The following TAFA2 variants were observed in gnomAD, a reference collection of about 807,000 sequenced individuals.
The protein encoded by TAFA2 is TAFA chemokine like family member 2.
TAFA2 carries 7 observed loss-of-function variants against 18.8 expected under a neutral mutation model. The observed-to-expected ratio is 0.37, with a 90% CI of 0.21 to 0.70. TAFA2 has a LOEUF of 0.70. Among genes scored for constraint, TAFA2 ranks in the 30% least tolerant of loss-of-function variants. TAFA2 has a pLI of 0.53. For missense variants in TAFA2, 122 were observed against 158.1 expected (o/e 0.77, Z 1.23); for synonymous variants, 60 against 54.2 (o/e 1.11, Z -0.47).
intron 1 of TAFA2, among the ~76,000 whole-genome samples, chr12:62,153,089 T>A (rs1035739613): frequency 6.6e-6 from 1 of 152,154 alleles, no homozygotes. Context: ...ATTCCCACAA[T>A]TGAAATTGGA....
chr12:62,085,062 C>T (rs986852491), intron 1 of TAFA2, among the ~76,000 whole-genome samples: 3 of 152,066 alleles, frequency 2.0e-5, no homozygotes, highest in Admixed American at 6.6e-5. Context: ...CTCGAGCCTC[C>T]CCAGAAAAGA....
intron 1 of TAFA2, among the ~76,000 whole-genome samples, chr12:62,149,533 T>C (rs954926479): frequency 6.7e-6 from 1 of 149,000 alleles, no homozygotes; most frequent in Non-Finnish European, 1.5e-5. Flanking sequence ...AAACATTTGC[T>C]ATATGAATTT....
chr12:61,783,283 G>A (rs960778639), intron 2 of TAFA2, among the ~76,000 whole-genome samples: 6 of 151,668 alleles, frequency 4.0e-5, no homozygotes, highest in Admixed American at 1.3e-4. Flanking sequence ...ACACAGAATT[G>A]TTGAATAATG....
At chr12:61,902,988 T>C (rs1592472936) in intron 1 of TAFA2, among the ~76,000 whole-genome samples, 2 of 152,278 alleles carry the variant, frequency 1.3e-5, no homozygotes, top group African/African-American at 2.4e-5. Flanking sequence ...TTTAAATCCA[T>C]CCGCTTTTTT....
Position 62,102,252 on chromosome 12 carries a change from T to A in TAFA2, c.-2+89007A>T, listed in dbSNP as rs1299068363. On this transcript the variant is annotated intron_variant, in intron 1 of 4. Coordinates refer to ENST00000416284, the MANE Select transcript of TAFA2 (RefSeq NM_178539.5). ...TTGGATTGAAGTGGAATGGTCTGGG[T>A]TCAGGTAGAAACTATTGCTATTTTT... is the stretch of plus-strand genomic sequence containing the variant. Among the ~76,000 whole-genome samples the A allele has an allele frequency of 2.0e-5, 3 of 152,332 alleles. No individual in the cohort carries two copies. The South Asian group carries it at 6.2e-4, about 32-fold the overall frequency.
chr12:62,144,536 T>C (rs565575981), intron 1 of TAFA2, among the ~76,000 whole-genome samples: 1 of 152,308 alleles, frequency 6.6e-6, no homozygotes, highest in South Asian at 2.1e-4. Flanking sequence ...GCTGACACCA[T>C]TGTGGTAGTA....
chr12:62,136,076 T>C (rs1870885062), intron 1 of TAFA2: 1 of 152,116 alleles, frequency 6.6e-6, no homozygotes, highest in Admixed American at 6.6e-5. Context: ...AACTTCTTCA[T>C]CAATTCATTG....
intron 2 of TAFA2, 24 bp downstream of exon 2, chr12:61,867,296 G>GAAA (rs34255534): frequency 9.2e-5 from 118 of 1,285,816 alleles, no homozygotes; most frequent in Middle Eastern, 1.9e-4. Flanking sequence ...ACATTTAGTT[G>GAAA]AAAAAAAAAA....
At chr12:62,153,048 T>G (rs927347396) in intron 1 of TAFA2, among the ~76,000 whole-genome samples, 1 of 152,164 alleles carries the variant, frequency 6.6e-6, no homozygotes, top group Non-Finnish European at 1.5e-5. Flanking sequence ...AGACATTCAA[T>G]AATTTTTTTA....
At chr12:62,042,436 T>TGCGC (rs1565726009) in intron 1 of TAFA2, among the ~76,000 whole-genome samples, 273 of 142,448 alleles carry the variant, frequency 1.9e-3, no homozygotes, top group African/African-American at 7.6e-3. Context: ...TGTGCGCGTG[T>TGCGC]GTGTGTGTGT....
At chr12:62,121,234 T>C (rs1410874566) in intron 1 of TAFA2, among the ~76,000 whole-genome samples, 2 of 152,162 alleles carry the variant, frequency 1.3e-5, no homozygotes, top group African/African-American at 2.4e-5. Context: ...CATAAACATA[T>C]ATACACCAAT....
At chr12:62,194,664 C>G (rs577909842), upstream of TAFA2, among the ~76,000 whole-genome samples, 1 of 152,144 alleles carries the variant, frequency 6.6e-6, no homozygotes, top group Non-Finnish European at 1.5e-5. Context: ...ATCTCCTAGA[C>G]AAAATAAAAT....
At position 61,753,181 on chromosome 12, in the gene TAFA2, A is replaced by T. The variant is rs927206160; in HGVS notation, c.384+441T>A. Among the ~76,000 whole-genome samples, 3 of 152,064 alleles carry T rather than the reference A, an allele frequency of 2.0e-5. No homozygotes were observed. The East Asian group carries it at 5.8e-4, about 29-fold the overall frequency. On this transcript the variant is annotated intron_variant, in intron 4 of 4. Transcript: ENST00000416284. Reference sequence around the variant, plus strand: ...ATTTAATGATTCAGATATCAGGGAGATCAAAATAATTACTTTCATAAAACT... The same window carrying T: ...ATTTAATGATTCAGATATCAGGGAGTTCAAAATAATTACTTTCATAAAACT...
chr12:61,720,675 C>T, intron 4 of TAFA2: 1 of 347,694 alleles, frequency 2.9e-6, no homozygotes, highest in Non-Finnish European at 5.7e-6. Flanking sequence ...CCTGTTAGCA[C>T]CATGTACACA....
intron 1 of TAFA2, among the ~76,000 whole-genome samples, chr12:62,008,080 TC>T (rs1323208012): frequency 6.6e-6 from 1 of 152,182 alleles, no homozygotes; most frequent in Non-Finnish European, 1.5e-5. Flanking sequence ...ATGGTATGTG[TC>T]CTTCTGTGTC....
chr12:61,887,552 T>C (rs1207534402), intron 1 of TAFA2, among the ~76,000 whole-genome samples: 2 of 149,854 alleles, frequency 1.3e-5, no homozygotes, highest in Non-Finnish European at 3.0e-5. Context: ...TCATCTAGCA[T>C]TAGGTATATC....
At chr12:61,805,024 A>T (rs187745527) in intron 2 of TAFA2, among the ~76,000 whole-genome samples, 1 of 152,164 alleles carries the variant, frequency 6.6e-6, no homozygotes, top group Admixed American at 6.5e-5. Flanking sequence ...ATGAACAACA[A>T]GCTTAAAACC....
chr12:62,080,110 A>G (rs375693996), intron 1 of TAFA2, among the ~76,000 whole-genome samples: 2 of 152,208 alleles, frequency 1.3e-5, no homozygotes, highest in East Asian at 1.9e-4. Context: ...TCCCCAATTC[A>G]TCACTCTCTG....
intron 1 of TAFA2, among the ~76,000 whole-genome samples, chr12:61,882,392 C>G (rs1232806153): frequency 1.3e-5 from 2 of 152,104 alleles, no homozygotes; most frequent in Admixed American, 1.3e-4. Context: ...AAGAAGTCAG[C>G]TGGTTTTCTC....
Sources: gnomAD v4.1 joint callset for allele counts (sites outside exome capture counted in the v4.1 genomes callset) on GRCh38, gnomAD v4.1.1 for gene constraint, MANE v1.5 for transcripts, NCBI Gene and HGNC (gene_info 2026-07-23, HGNC 2026-07-21) for gene names.